KCNK2: variants seen among roughly 807,000 people sequenced by gnomAD.
KCNK2 encodes the protein potassium channel subfamily K member 2.
KCNK2 carries 21 observed loss-of-function variants against 40.5 expected under a neutral mutation model. The observed-to-expected ratio is 0.52, with a 90% CI of 0.37 to 0.75. The LOEUF is 0.75. Among genes scored for constraint, KCNK2 ranks in the 30% least tolerant of loss-of-function variants. The probability of loss-of-function intolerance (pLI) is 0.00; values close to 1 mark genes in which losing one functional copy is unlikely to be tolerated. For synonymous variants in KCNK2, 191 were observed against 202.2 expected (o/e 0.94, Z 0.47); for missense variants, 399 against 531.6 (o/e 0.75, Z 2.45).
intron 3 of KCNK2, among the ~76,000 whole-genome samples, chr1:215,156,437 T>C (rs1662928375): frequency 6.6e-6 from 1 of 152,224 alleles, no homozygotes; most frequent in Non-Finnish European, 1.5e-5. Context: ...AGGCCTTGGC[T>C]TGGCATCCAT....
intron 3 of KCNK2, among the ~76,000 whole-genome samples, chr1:215,132,996 T>C (rs1267097532): frequency 6.6e-6 from 1 of 152,210 alleles, no homozygotes; most frequent in East Asian, 1.9e-4. Flanking sequence ...ACATTAGGGA[T>C]ATAATCTTCC....
intron 1 of KCNK2, among the ~76,000 whole-genome samples, chr1:215,058,706 C>T (rs981650732): frequency 2.0e-5 from 3 of 152,164 alleles, no homozygotes; most frequent in East Asian, 3.9e-4. Flanking sequence ...CCCCCCTGAC[C>T]TTTCCAATTT....
chr1:215,043,647 G>A (rs2102494168), intron 1 of KCNK2, among the ~76,000 whole-genome samples: 1 of 152,256 alleles, frequency 6.6e-6, no homozygotes, highest in South Asian at 2.1e-4. Context: ...GGGGAGGGAG[G>A]AACAGAGTTA....
intron 6 of KCNK2, among the ~76,000 whole-genome samples, chr1:215,230,750 C>T (rs912911827): frequency 2.0e-5 from 3 of 151,544 alleles, no homozygotes; most frequent in Non-Finnish European, 4.4e-5. Context: ...GAAGGTGAGG[C>T]TCCCATTCAT....
chr1:215,014,000 T>G (rs1320107536), intron 1 of KCNK2, among the ~76,000 whole-genome samples: 2 of 152,078 alleles, frequency 1.3e-5, no homozygotes, highest in African/African-American at 4.8e-5. Flanking sequence ...CTTATATTGG[T>G]GGGAAAAGAT....
intron 3 of KCNK2, among the ~76,000 whole-genome samples, chr1:215,163,326 G>T (rs909989613): frequency 6.6e-6 from 1 of 152,092 alleles, no homozygotes; most frequent in East Asian, 1.9e-4. Context: ...GGGCTGAGAC[G>T]ATGGAGTTTT....
At chr1:215,155,663 A>G (rs964514845) in intron 3 of KCNK2, among the ~76,000 whole-genome samples, 1 of 151,986 alleles carries the variant, frequency 6.6e-6, no homozygotes, top group African/African-American at 2.4e-5. Context: ...GGGACTACAA[A>G]CATGCACCAC....
At chr1:215,095,449 G>T (rs1659936884) in intron 2 of KCNK2, among the ~76,000 whole-genome samples, 1 of 152,128 alleles carries the variant, frequency 6.6e-6, no homozygotes, top group East Asian at 1.9e-4. Context: ...GAAACAGAAA[G>T]ATTTTTCTTC....
At chr1:215,017,617 G>A (rs1656637353) in intron 1 of KCNK2, among the ~76,000 whole-genome samples, 3 of 151,928 alleles carry the variant, frequency 2.0e-5, no homozygotes, top group African/African-American at 7.3e-5. Flanking sequence ...GTTGGTCAAA[G>A]GATACAAAAT....
chr1:215,065,172 A>G (rs1658493020), intron 1 of KCNK2, among the ~76,000 whole-genome samples: 1 of 152,190 alleles, frequency 6.6e-6, no homozygotes, highest in Non-Finnish European at 1.5e-5. Context: ...TCTAAACAGA[A>G]CTCTGAAAAT....
At chr1:215,099,776 G>A (rs1470634460) in intron 2 of KCNK2, among the ~76,000 whole-genome samples, 2 of 151,838 alleles carry the variant, frequency 1.3e-5, no homozygotes, top group Non-Finnish European at 2.9e-5. Context: ...CTTGGCTATT[G>A]TAAAGTTCCT....
intron 6 of KCNK2, among the ~76,000 whole-genome samples, chr1:215,232,849 T>C (rs1666726749): frequency 6.6e-6 from 1 of 152,186 alleles, no homozygotes; most frequent in Non-Finnish European, 1.5e-5. Context: ...GATTTCATTT[T>C]AGATCCATCA....
intron 1 of KCNK2, among the ~76,000 whole-genome samples, chr1:215,044,164 G>A (rs1327622326): frequency 6.6e-6 from 1 of 151,878 alleles, no homozygotes; most frequent in Non-Finnish European, 1.5e-5. Flanking sequence ...ACTTTAATGT[G>A]TTTTTTTTCC....
intron 1 of KCNK2, among the ~76,000 whole-genome samples, chr1:215,017,465 G>A (rs1325534418): frequency 1.3e-5 from 2 of 152,208 alleles, no homozygotes; most frequent in East Asian, 1.9e-4. Flanking sequence ...GAAGGACATC[G>A]TGTTGTATAA....
rs557555919 is a variant in KCNK2 at position 215,083,202 on chromosome 1, C to A, written c.-184C>A. On this transcript the variant is annotated 5_prime_UTR_variant, in exon 1 of 7. Coordinates refer to ENST00000444842, the MANE Select transcript of KCNK2 (RefSeq NM_001017425.3). ...TTCGTTTCTTCTCACGCTCCCCCCC[C>A]CGCCCCCTCCCGCGTCCAGCCCCGC... 0.016 allele frequency: 12,511 copies of A among 786,592 alleles called. 529 individuals carry two copies. Among genetic ancestry groups the A allele is most frequent in the South Asian group, 0.021 (1,412 of 66,912 alleles). 48.7% of individuals were successfully genotyped at this position (786,592 alleles called of 1,614,324 possible).
At chr1:215,223,762 TA>T (rs1230701898) in intron 6 of KCNK2, among the ~76,000 whole-genome samples, 2 of 152,190 alleles carry the variant, frequency 1.3e-5, no homozygotes, top group African/African-American at 4.8e-5. Context: ...GGAGATGGAC[TA>T]TTTAGAAAAC....
At position 215,044,795 on chromosome 1, in the gene KCNK2, A is replaced by ATGTGTGTGTG. The variant is rs150179184; in HGVS notation, c.34+38863_34+38872dup. On this transcript the variant is annotated intron_variant, in intron 1 of 6. Transcript: ENST00000391895. ...TAACTAGGTACTTGGGGATAAGTGTATGTGTGTGTGTGTGTGTGTGTGTGT... is the reference window on the plus strand; with the variant it reads ...TAACTAGGTACTTGGGGATAAGTGTATGTGTGTGTGTGTGTGTGTGTGTGTGTGTGTGTGT... Among the ~76,000 whole-genome samples the ATGTGTGTGTG allele has an allele frequency of 3.3e-3, 477 of 145,708 alleles. 3 individuals carry two copies. The highest frequency in any genetic ancestry group is 0.011 in the Middle Eastern group (3 of 278).
rs75448837 is a variant in KCNK2 at position 215,059,979 on chromosome 1, G to A, written c.35-26389G>A. Among the ~76,000 whole-genome samples the A allele has an allele frequency of 9.6e-3, 1,468 of 152,302 alleles. 23 individuals carry two copies. The highest frequency in any genetic ancestry group is 0.065 in the South Asian group (314 of 4,822). ...GTAGACAGATGGGCATGGGGCTTCC[G>A]ATGCAGTTGACGGCACATCAGCATG... On this transcript the variant is annotated intron_variant, in intron 1 of 6. Transcript: ENST00000391895.
chr1:215,233,106 A>C (rs1387470177), intron 6 of KCNK2, among the ~76,000 whole-genome samples: 1 of 152,182 alleles, frequency 6.6e-6, no homozygotes, highest in Non-Finnish European at 1.5e-5. Context: ...TTATAGGAAC[A>C]GTAAGTATCT....
Sources: gnomAD v4.1 joint callset for allele counts (sites outside exome capture counted in the v4.1 genomes callset) on GRCh38, gnomAD v4.1.1 for gene constraint, MANE v1.5 for transcripts, NCBI Gene and HGNC (gene_info 2026-07-23, HGNC 2026-07-21) for gene names.